The following FAM171B variants were observed in gnomAD, a reference collection of about 807,000 sequenced individuals.
FAM171B encodes the protein protein FAM171B.
A neutral mutation model predicts 75.6 loss-of-function variants in FAM171B; 19 were observed. That is an observed-to-expected ratio of 0.25 (90% CI 0.18 to 0.37). FAM171B has a LOEUF of 0.37. Ranked by LOEUF, FAM171B falls within the 10% of genes least tolerant of loss-of-function variation. The pLI is 1.00. For missense variants in FAM171B, 848 were observed against 982.4 expected, an observed-to-expected ratio of 0.86 and a Z score of 1.83; for synonymous variants, 367 against 361.7, an observed-to-expected ratio of 1.01 and a Z score of -0.17.
At chr2:186,758,975 G>A (rs890977904) in intron 6 of FAM171B, among the ~76,000 whole-genome samples, 4 of 151,518 alleles carry the variant, frequency 2.6e-5, no homozygotes, top group East Asian at 1.9e-4. Context: ...CCAGCCTCTG[G>A]TAAACCATCA....
chr2:186,758,754 C>T lies in FAM171B; in HGVS notation c.1013-2359C>T, dbSNP rs531107468. The stretch of plus-strand genomic sequence containing the variant: ...CATGAGCTATTTTGATACAGGCATA[C>T]AGTGCATAATAATCATGCATAATAA... On this transcript the variant is annotated intron_variant, in intron 6 of 7. Coordinates refer to ENST00000304698, the MANE Select transcript of FAM171B (RefSeq NM_177454.4). Among the ~76,000 whole-genome samples the T allele has an allele frequency of 2.5e-4, 38 of 152,146 alleles. 1 individual carries two copies. The South Asian group carries it at 5.8e-3, about 23-fold the overall frequency.
At chr2:186,741,915 C>T (rs1690294005) in intron 2 of FAM171B, among the ~76,000 whole-genome samples, 1 of 152,088 alleles carries the variant, frequency 6.6e-6, no homozygotes, top group Admixed American at 6.6e-5. Flanking sequence ...GAAATGGAAG[C>T]ATTCCAAATC....
At chr2:186,726,369 A>G (rs536582396) in intron 1 of FAM171B, among the ~76,000 whole-genome samples, 1 of 152,076 alleles carries the variant, frequency 6.6e-6, no homozygotes, top group South Asian at 2.1e-4. Flanking sequence ...TATTTTACTG[A>G]TTTTTTTTAA....
intron 1 of FAM171B, among the ~76,000 whole-genome samples, chr2:186,738,290 T>C (rs1212712816): frequency 6.6e-6 from 1 of 152,122 alleles, no homozygotes; most frequent in African/African-American, 2.4e-5. Flanking sequence ...TCCAGGTTCT[T>C]GTCCCATGCC....
Position 186,761,933 on chromosome 2 carries a change from C to A in FAM171B, c.1591C>A (p.Leu531Ile). The change falls in exon 8 of 8, where the codon CTT (leucine) becomes ATT (isoleucine). Residue 531 changes from leucine to isoleucine, a missense_variant. Coordinates refer to ENST00000304698, the MANE Select transcript of FAM171B (RefSeq NM_177454.4). The stretch of plus-strand genomic sequence containing the variant: ...TGGGCGTTCCCATATTCCTGAACAG[C>A]TTATGCATATTTACAGCCAACCCAT... ...AYGRSHIPEQLMHIYSQPIAI... is the reference protein window; with the variant it reads ...AYGRSHIPEQIMHIYSQPIAI... The A allele has an allele frequency of 6.2e-7, 1 of 1,613,342 alleles. No homozygotes were observed. The highest frequency in any genetic ancestry group is 2.2e-5 in the East Asian group (1 of 44,826).
chr2:186,732,826 A>G (rs779942630), intron 1 of FAM171B, among the ~76,000 whole-genome samples: 3 of 152,166 alleles, frequency 2.0e-5, no homozygotes, highest in Non-Finnish European at 2.9e-5. Flanking sequence ...GGAAGGTCAT[A>G]TTTCAGTTAA....
At chr2:186,727,243 T>C (rs1690047747) in intron 1 of FAM171B, among the ~76,000 whole-genome samples, 1 of 152,198 alleles carries the variant, frequency 6.6e-6, no homozygotes, top group Non-Finnish European at 1.5e-5. Context: ...ATCATTAATC[T>C]GGTCAGTACA....
intron 1 of FAM171B, among the ~76,000 whole-genome samples, chr2:186,718,077 G>C (rs925308172): frequency 2.0e-5 from 3 of 152,070 alleles, no homozygotes; most frequent in African/African-American, 7.2e-5. Context: ...TCTCAATATT[G>C]TGTCATTTGC....
chr2:186,698,025 T>G (rs1014614813), intron 1 of FAM171B, among the ~76,000 whole-genome samples: 1 of 152,210 alleles, frequency 6.6e-6, no homozygotes, highest in African/African-American at 2.4e-5. Flanking sequence ...CTCCAGTGTA[T>G]ACAACAGCTC....
At chr2:186,696,995 A>AATGG (rs776357355) in intron 1 of FAM171B, among the ~76,000 whole-genome samples, 3,298 of 99,298 alleles carry the variant, frequency 0.033, 64 homozygotes, top group Non-Finnish European at 0.048. Flanking sequence ...CCATTTGTTG[A>AATGG]ATGGATGGAC....
chr2:186,728,358 G>A (rs1690064753), intron 1 of FAM171B, among the ~76,000 whole-genome samples: 1 of 151,832 alleles, frequency 6.6e-6, no homozygotes, highest in South Asian at 2.1e-4. Flanking sequence ...TTTTCTTCAC[G>A]TGTTGTTTCC....
In FAM171B at chr2:186,763,015, A is replaced by G; in HGVS notation, c.*192A>G. On this transcript the variant is annotated 3_prime_UTR_variant, in exon 8 of 8. Transcript: ENST00000304698. Reference sequence around the variant, plus strand: ...AATGCTTTTTCTGGCCTATTCATTTATTTTTGGGTGATGAATTTACAGTAT... The same window carrying G: ...AATGCTTTTTCTGGCCTATTCATTTGTTTTTGGGTGATGAATTTACAGTAT... 1 of 630,338 alleles carries G rather than the reference A, an allele frequency of 1.6e-6. No homozygotes were observed. The highest frequency in any genetic ancestry group is 2.6e-6 in the Non-Finnish European group (1 of 385,688). The allele number at this position is 630,338 out of a possible 1,614,324, so 39.0% of individuals were successfully genotyped here.
At chr2:186,729,414 C>T (rs1275118737) in intron 1 of FAM171B, among the ~76,000 whole-genome samples, 3 of 151,630 alleles carry the variant, frequency 2.0e-5, no homozygotes, top group Admixed American at 6.6e-5. Context: ...ATGGAATCTG[C>T]CCTGTCTAAA....
At chr2:186,757,808 A>G (rs986559858) in intron 6 of FAM171B, among the ~76,000 whole-genome samples, 4 of 152,278 alleles carry the variant, frequency 2.6e-5, no homozygotes, top group South Asian at 2.1e-4. Context: ...GGCAAACTCA[A>G]TATGTCAACA....
rs1256011160 is a variant in FAM171B at position 186,740,316 on chromosome 2, C to T, written c.327C>T (p.Tyr109=). 6.8e-6 allele frequency: 11 copies of T among 1,614,060 alleles called. No individual in the cohort carries two copies. The highest frequency in any genetic ancestry group is 9.3e-6 in the Non-Finnish European group (11 of 1,179,956). ...CAGTTGTAGAAGTGTTTGTAAACTA[C>T]ACGAAGACAAATTCCACAGTAACTA... The part of the protein sequence containing the change: ...SQAVVEVFVN[Y]TKTNSTVTKS... The change falls in exon 2 of 8, where the codon TAC becomes TAT. Residue 109 remains tyrosine, a synonymous_variant. Coordinates refer to ENST00000304698, the MANE Select transcript of FAM171B (RefSeq NM_177454.4).
At chr2:186,733,781 G>A (rs1391674259) in intron 1 of FAM171B, among the ~76,000 whole-genome samples, 1 of 152,186 alleles carries the variant, frequency 6.6e-6, no homozygotes, top group Non-Finnish European at 1.5e-5. Flanking sequence ...GCTGGAACAG[G>A]TGTACCTCAA....
chr2:186,735,186 C>T (rs992529919), intron 1 of FAM171B, among the ~76,000 whole-genome samples: 23 of 152,142 alleles, frequency 1.5e-4, no homozygotes, highest in African/African-American at 5.3e-4. Context: ...CTGCTCCACA[C>T]GGGCTGTCAC....
rs749883292 is a variant in FAM171B, at chr2:186,761,862, A to G, written c.1520A>G (p.Asp507Gly). 6.2e-6 allele frequency: 10 copies of G among 1,613,122 alleles called. No individual in the cohort carries two copies. The highest frequency in any genetic ancestry group is 1.6e-4 in the Middle Eastern group (1 of 6,078). Reference protein sequence around the residue: ...INNNLSSSLGDAQDEKRYLTG... With the variant: ...INNNLSSSLGGAQDEKRYLTG... ...AACAATCTATCTTCATCTCTAGGTG[A>G]TGCTCAAGATGAAAAGAGGTATCTC... Residue 507 changes from aspartate (D) to glycine (G), a missense_variant, in exon 8 of 8, where the codon GAT (aspartate) becomes GGT (glycine). Physicochemically the swap from Asp to Gly is moderately conservative, Grantham distance 94. This residue lies in a region of FAM171B where 665 missense variants were observed against 729.0 expected (regional missense o/e 0.91). Coordinates refer to ENST00000304698, the MANE Select transcript of FAM171B (RefSeq NM_177454.4).
chr2:186,751,715 AT>A (rs1690458095), intron 5 of FAM171B, among the ~76,000 whole-genome samples: 1 of 152,144 alleles, frequency 6.6e-6, no homozygotes, highest in Non-Finnish European at 1.5e-5. Context: ...AGAAAAAGTA[AT>A]TGTTTTTCCA....
Sources: gnomAD v4.1 joint callset for allele counts (sites outside exome capture counted in the v4.1 genomes callset) on GRCh38, gnomAD v4.1.1 for gene constraint, gnomAD v4.1.1 regional missense constraint, MANE v1.5 for transcripts, NCBI Gene and HGNC (gene_info 2026-07-23, HGNC 2026-07-21) for gene names.